NXN: variants seen among roughly 807,000 people sequenced by gnomAD.
The protein encoded by NXN is nucleoredoxin 1.
Under a neutral mutation model 48.6 loss-of-function variants are expected in NXN, and 16 were observed. The ratio of observed to expected loss-of-function variants is 0.33; its 90% CI spans 0.22 to 0.50. NXN has a LOEUF of 0.50. NXN is among the 20% of genes least tolerant of loss of function. NXN has a pLI of 0.98. For missense variants in NXN, 492 were observed against 605.5 expected, an observed-to-expected ratio of 0.81 and a Z score of 1.97; for synonymous variants, 281 against 269.6, an observed-to-expected ratio of 1.04 and a Z score of -0.41.
At position 801,110 on chromosome 17, in the gene NXN, G is replaced by T. The variant is rs879005896; in HGVS notation, c.1147C>A (p.Arg383=). The T allele has an allele frequency of 4.5e-6, 7 of 1,551,618 alleles. No homozygotes were observed. The Admixed American group carries it at 6.0e-5, about 13-fold the overall frequency. ...GCCTCAGGCAGGTTGGTGTAATCTC[G>T]CAGGGAGTCAGTCATGTCATCCTGA... ...AGEDDMTDSL[R]DYTNLPEAAP... Residue 383 remains arginine, a synonymous_variant, in exon 8 of 8, where the codon CGA becomes AGA. Coordinates refer to ENST00000336868, the MANE Select transcript of NXN (RefSeq NM_022463.5).
At chr17:960,370 G>C (rs995769664) in intron 1 of NXN, among the ~76,000 whole-genome samples, 1 of 151,164 alleles carries the variant, frequency 6.6e-6, no homozygotes, top group Non-Finnish European at 1.5e-5. Context: ...TTGTGACAGG[G>C]TCTCCTTCTG....
chr17:858,989 T>C (rs2068015411), intron 1 of NXN, among the ~76,000 whole-genome samples: 1 of 152,188 alleles, frequency 6.6e-6, no homozygotes. Flanking sequence ...TCTGGCATGA[T>C]ACAAATGGAT....
intron 5 of NXN, 117 bp from the exon 6 acceptor site, chr17:805,364 C>T: frequency 9.3e-7 from 1 of 1,076,970 alleles, no homozygotes; most frequent in Non-Finnish European, 1.3e-6. Context: ...CACCGAGGAC[C>T]TGGTACAGGC....
chr17:918,152 T>G (rs368584587), intron 1 of NXN, among the ~76,000 whole-genome samples: 1 of 152,168 alleles, frequency 6.6e-6, no homozygotes, highest in East Asian at 1.9e-4. Flanking sequence ...ACACTCAATA[T>G]CACCTCCCCC....
chr17:899,020 C>T (rs949282222), intron 1 of NXN, among the ~76,000 whole-genome samples: 1 of 143,350 alleles, frequency 7.0e-6, no homozygotes, highest in African/African-American at 2.5e-5. Context: ...TGCAGTGGCA[C>T]GATCTTGGCT....
At position 863,771 on chromosome 17, in the gene NXN, A is replaced by C. The variant is rs1390986207; in HGVS notation, c.361-37693T>G. On this transcript the variant is annotated intron_variant, in intron 1 of 7. Coordinates refer to ENST00000336868, the MANE Select transcript of NXN (RefSeq NM_022463.5). ...AGCCTCTGCACCTGGCTGACACTGT[A>C]TTTTTGATTCACATCTGGTTGAAAA... is the stretch of plus-strand genomic sequence containing the variant. 3 of 624,956 alleles carry C rather than the reference A, an allele frequency of 4.8e-6. No homozygotes were observed. In the African/African-American group the frequency reaches 5.5e-5, roughly 11 times the overall value. The allele number at this position is 624,956 out of a possible 1,614,324, so 38.7% of individuals were successfully genotyped here.
At chr17:841,071 C>G (rs1372949071) in intron 1 of NXN, among the ~76,000 whole-genome samples, 1 of 152,320 alleles carries the variant, frequency 6.6e-6, no homozygotes, top group East Asian at 1.9e-4. Context: ...TTAGTCTCCC[C>G]ACACCTCACT....
chr17:862,389 T>A (rs1341167351), intron 1 of NXN, among the ~76,000 whole-genome samples: 5 of 152,204 alleles, frequency 3.3e-5, no homozygotes, highest in Non-Finnish European at 4.4e-5. Context: ...GTGGGTGTGG[T>A]GGCCCATGCC....
At chr17:881,593 C>T (rs190361478) in intron 1 of NXN, among the ~76,000 whole-genome samples, 43 of 152,230 alleles carry the variant, frequency 2.8e-4, no homozygotes, top group Non-Finnish European at 5.9e-5. Flanking sequence ...ACCTGATAAT[C>T]GACTCAGAAT....
intron 1 of NXN, among the ~76,000 whole-genome samples, chr17:912,282 G>A (rs1016418744): frequency 6.6e-6 from 1 of 152,066 alleles, no homozygotes; most frequent in Non-Finnish European, 1.5e-5. Flanking sequence ...AAAAATCTGT[G>A]TATAAATGGA....
intron 1 of NXN, among the ~76,000 whole-genome samples, chr17:838,374 C>T (rs1390260652): frequency 2.0e-5 from 3 of 152,180 alleles, no homozygotes; most frequent in East Asian, 1.9e-4. Flanking sequence ...TCAGGTGATC[C>T]GCCCACCTCG....
intron 1 of NXN, among the ~76,000 whole-genome samples, chr17:846,336 G>T (rs569268959): frequency 6.8e-6 from 1 of 147,860 alleles, no homozygotes; most frequent in Non-Finnish European, 1.5e-5. Flanking sequence ...GGAATTGCGT[G>T]AACCCGGGAG....
intron 1 of NXN, among the ~76,000 whole-genome samples, chr17:951,357 A>AT (rs1597270048): frequency 6.6e-6 from 1 of 151,128 alleles, no homozygotes; most frequent in African/African-American, 2.4e-5. Context: ...CTCGAAAAAA[A>AT]AAAAAAAGAC....
chr17:863,570 C>T (rs1008981003), intron 1 of NXN, among the ~76,000 whole-genome samples: 2 of 152,194 alleles, frequency 1.3e-5, no homozygotes, highest in Admixed American at 6.5e-5. Context: ...AAGCGATCCT[C>T]CTGACTCAGC....
At chr17:926,789 G>A (rs1010119652) in intron 1 of NXN, among the ~76,000 whole-genome samples, 4 of 151,558 alleles carry the variant, frequency 2.6e-5, no homozygotes, top group Admixed American at 6.6e-5. Flanking sequence ...CGATCTGCCC[G>A]CCTTGGCCTC....
intron 1 of NXN, among the ~76,000 whole-genome samples, chr17:839,130 T>A (rs1913993966): frequency 6.6e-6 from 1 of 152,174 alleles, no homozygotes. Context: ...CTGACAACAC[T>A]GCTTGGTTCA....
At chr17:895,951 T>C (rs2068479920) in intron 1 of NXN, among the ~76,000 whole-genome samples, 1 of 152,160 alleles carries the variant, frequency 6.6e-6, no homozygotes, top group Non-Finnish European at 1.5e-5. Flanking sequence ...CTCACACCTG[T>C]AATCCCAATG....
At chr17:813,967 A>G (rs1040166161) in intron 5 of NXN, among the ~76,000 whole-genome samples, 2 of 129,802 alleles carry the variant, frequency 1.5e-5, no homozygotes, top group Non-Finnish European at 1.6e-5. Context: ...GACTCTGTCT[A>G]AAAAAAAAAA....
chr17:959,929 C>T (rs914588725), intron 1 of NXN, among the ~76,000 whole-genome samples: 6 of 152,052 alleles, frequency 3.9e-5, no homozygotes, highest in African/African-American at 1.4e-4. Flanking sequence ...CCTGTCTCTA[C>T]TAAAAATACA....
Sources: gnomAD v4.1 joint callset for allele counts (sites outside exome capture counted in the v4.1 genomes callset) on GRCh38, gnomAD v4.1.1 for gene constraint, MANE v1.5 for transcripts, NCBI Gene and HGNC (gene_info 2026-07-23, HGNC 2026-07-21) for gene names.